The following AHDC1 variants were observed in gnomAD, a reference collection of about 807,000 sequenced individuals.
AHDC1 encodes transcription factor Gibbin.
Under a neutral mutation model 87.9 loss-of-function variants are expected in AHDC1, and 7 were observed. The ratio of observed to expected loss-of-function variants is 0.08; its 90% CI spans 0.05 to 0.15. The LOEUF is 0.15. Ranked by LOEUF, AHDC1 falls within the 10% of genes least tolerant of loss-of-function variation. AHDC1 has a pLI of 1.00. For missense variants in AHDC1, 1,841 were observed against 2,253.2 expected, an observed-to-expected ratio of 0.82 and a Z score of 3.70; for synonymous variants, 1,051 against 1,006.8, an observed-to-expected ratio of 1.04 and a Z score of -0.83.
rs2020206278 is a variant in AHDC1 at position 27,563,833 on chromosome 1, T to C, written c.-628-4950A>G. 1.3e-5 allele frequency among the ~76,000 whole-genome samples: 2 copies of C among 151,742 alleles called. No homozygotes were observed. Among genetic ancestry groups the C allele is most frequent in the Non-Finnish European group, 2.9e-5 (2 of 67,898 alleles). ...AAGCTGCCTGGACACACTGACTACC[T>C]GGAAATGCCACCTCCCCCAGCCCTC... On this transcript the variant is annotated intron_variant, in intron 3 of 8. Transcript: ENST00000673934. This position sits in a 1 kb window ranked among gnomAD's most constrained non-coding sequence, Gnocchi z 6.1.
At chr1:27,537,079 T>C (rs1192053397) in intron 8 of AHDC1, among the ~76,000 whole-genome samples, 1 of 152,090 alleles carries the variant, frequency 6.6e-6, no homozygotes, top group Non-Finnish European at 1.5e-5. Flanking sequence ...GCCAGAGACT[T>C]TGGCAGAATC....
At chr1:27,602,443 A>G (rs1321894003) in intron 3 of AHDC1, among the ~76,000 whole-genome samples, 1 of 151,966 alleles carries the variant, frequency 6.6e-6, no homozygotes, top group Non-Finnish European at 1.5e-5. Context: ...CCTCATCCCC[A>G]GCCCCCAAAC....
chr1:27,560,473 G>T lies in AHDC1; in HGVS notation c.-628-1590C>A, dbSNP rs546330566. Reference sequence around the variant, plus strand: ...GCTGTCCCTGCAGGTTTCCAATCTCGAGGCCTGTGACTGCAGGCACTGGTG... The same window carrying T: ...GCTGTCCCTGCAGGTTTCCAATCTCTAGGCCTGTGACTGCAGGCACTGGTG... On this transcript the variant is annotated intron_variant, in intron 3 of 8. Transcript: ENST00000673934. The surrounding 1 kb of genome is among the most constrained non-coding windows in gnomAD (Gnocchi z 4.1). Among the ~76,000 whole-genome samples, 1 of 152,118 alleles carries T rather than the reference G, an allele frequency of 6.6e-6. No individual in the cohort carries two copies. Among genetic ancestry groups the T allele is most frequent in the Non-Finnish European group, 1.5e-5 (1 of 68,024 alleles).
chr1:27,603,975 G>GCT (rs1273564627), intron 1 of AHDC1, 112 bp from the exon 2 acceptor site: 2 of 136,130 alleles, frequency 1.5e-5, no homozygotes, highest in Non-Finnish European at 3.1e-5. Context: ...CCTGCCTTCT[G>GCT]CTCTCTCCGC....
Position 27,573,117 on chromosome 1 carries a change from A to C in AHDC1, c.-628-14234T>G, listed in dbSNP as rs188119390. The stretch of plus-strand genomic sequence containing the variant: ...AAGGGTGTGTCTCAGGAAGGGAGGC[A>C]CTCCAGCCTTCTGGGGGTGGGGTGG... On this transcript the variant is annotated intron_variant, in intron 3 of 8. Coordinates refer to ENST00000673934, the MANE Select transcript of AHDC1 (RefSeq NM_001371928.1). Among the ~76,000 whole-genome samples the C allele has an allele frequency of 3.5e-3, 537 of 151,924 alleles. 2 individuals are homozygous for C. Among genetic ancestry groups the C allele is most frequent in the Non-Finnish European group, 6.0e-3 (406 of 67,954 alleles).
chr1:27,574,273 A>C (rs1444046508), intron 3 of AHDC1, among the ~76,000 whole-genome samples: 2 of 152,212 alleles, frequency 1.3e-5, no homozygotes, highest in Admixed American at 6.5e-5. Flanking sequence ...AGACCTTGGG[A>C]AGTGAAATCT....
intron 3 of AHDC1, among the ~76,000 whole-genome samples, chr1:27,564,945 G>A (rs556733211): frequency 1.3e-3 from 202 of 152,240 alleles, no homozygotes; most frequent in African/African-American, 3.7e-3. Context: ...CTAGCCTGAG[G>A]TCACACAGCA....
At chr1:27,604,078 C>A in intron 1 of AHDC1, 28 bp downstream of exon 1, 1 of 154,562 alleles carries the variant, frequency 6.5e-6, no homozygotes, top group South Asian at 1.8e-4. Flanking sequence ...CGCTCCCTCC[C>A]TCCGTCTCTC....
chr1:27,591,184 T>C (rs1484713705), intron 3 of AHDC1, among the ~76,000 whole-genome samples: 1 of 152,120 alleles, frequency 6.6e-6, no homozygotes, highest in African/African-American at 2.4e-5. Flanking sequence ...GGAGGGAGCA[T>C]GGCCCTAAGG....
Position 27,551,114 on chromosome 1 carries a change from G to C in AHDC1, c.1002C>G (p.Leu334=), listed in dbSNP as rs372093278. ...CGTCAAGCAGCTTGGGCAGGGGGTCGAGTGCCTGGGGGTCAAGCAGCTGCG... is the reference window on the plus strand; with the variant it reads ...CGTCAAGCAGCTTGGGCAGGGGGTCCAGTGCCTGGGGGTCAAGCAGCTGCG... The part of the protein sequence containing the change: ...LESQLLDPQA[L]DPLPKLLDVP... The change falls in exon 8 of 9, where the codon CTC becomes CTG. Residue 334 remains leucine (L), a synonymous_variant. Transcript: ENST00000673934. The C allele has an allele frequency of 1.3e-6, 2 of 1,584,350 alleles. No homozygotes were observed. Among genetic ancestry groups the C allele is most frequent in the Admixed American group, 3.6e-5 (2 of 55,340 alleles).
chr1:27,583,615 G>A (rs1460837587), intron 3 of AHDC1, among the ~76,000 whole-genome samples: 1 of 151,974 alleles, frequency 6.6e-6, no homozygotes, highest in Non-Finnish European at 1.5e-5. Flanking sequence ...TCCTCTGCTG[G>A]ATCAATGCCC....
chr1:27,537,009 C>T (rs1325835994), intron 8 of AHDC1, among the ~76,000 whole-genome samples: 1 of 152,182 alleles, frequency 6.6e-6, no homozygotes, highest in African/African-American at 2.4e-5. Flanking sequence ...TCTGCTAAGC[C>T]GCCCATCGCG....
chr1:27,547,534 G>A lies in AHDC1; in HGVS notation c.4582C>T (p.Pro1528Ser), dbSNP rs765211276. The A allele has an allele frequency of 1.9e-6, 3 of 1,611,114 alleles. No homozygotes were observed. Among genetic ancestry groups the A allele is most frequent in the East Asian group, 2.2e-5 (1 of 44,864 alleles). ...PLEMARPPGP[P>S]RGPAAAAAGY... ...GCAGCGGCTGCAGCAGGGCCACGGGGTGGGCCAGGGGGCCGGGCCATTTCC... is the reference window on the plus strand; with the variant it reads ...GCAGCGGCTGCAGCAGGGCCACGGGATGGGCCAGGGGGCCGGGCCATTTCC... The change falls in exon 8 of 9, where the codon CCC becomes TCC. Residue 1528 changes from proline (P) to serine (S), a missense_variant. By Grantham distance (74) the Pro-to-Ser change is moderately conservative. This residue lies in a region of AHDC1 where 505 missense variants were observed against 626.2 expected (regional missense o/e 0.81). Coordinates refer to ENST00000673934, the MANE Select transcript of AHDC1 (RefSeq NM_001371928.1). The surrounding 1 kb of genome is among the most constrained non-coding windows in gnomAD (Gnocchi z 4.9).
chr1:27,574,596 G>C (rs540044350), intron 3 of AHDC1, among the ~76,000 whole-genome samples: 2 of 152,170 alleles, frequency 1.3e-5, no homozygotes, highest in Admixed American at 6.5e-5. Context: ...TGTTTACCAT[G>C]GTGAGAGTAT....
intron 3 of AHDC1, among the ~76,000 whole-genome samples, chr1:27,582,299 A>G (rs2088930797): frequency 1.3e-5 from 2 of 152,186 alleles, no homozygotes; most frequent in South Asian, 4.1e-4. Context: ...TTCAAGCCAC[A>G]CTGTCCTTAT....
chr1:27,550,158 T>G lies in AHDC1; in HGVS notation c.1958A>C (p.Gln653Pro). The change falls in exon 8 of 9, where the codon CAG (glutamine) becomes CCG (proline). Residue 653 changes from glutamine to proline, a missense_variant. By Grantham distance (76) the Gln-to-Pro change is moderately conservative. Around this residue, in one of 13 missense-constraint regions of AHDC1, gnomAD observed 236 missense variants for 257.9 expected, o/e 0.92. Coordinates refer to ENST00000673934, the MANE Select transcript of AHDC1 (RefSeq NM_001371928.1). Reference protein sequence around the residue: ...PESVHQAPDTQSISHFLHRVQ... With the variant: ...PESVHQAPDTPSISHFLHRVQ... Reference sequence around the variant, plus strand: ...ACGATGCAGGAAGTGGGAGATGCTCTGGGTGTCGGGGGCCTGGTGCACCGA... The same window carrying G: ...ACGATGCAGGAAGTGGGAGATGCTCGGGGTGTCGGGGGCCTGGTGCACCGA... The G allele has an allele frequency of 6.2e-7, 1 of 1,611,290 alleles. No individual in the cohort carries two copies. Among genetic ancestry groups the G allele is most frequent in the Non-Finnish European group, 8.5e-7 (1 of 1,179,884 alleles).
At chr1:27,538,727 C>T (rs553921301) in intron 8 of AHDC1, among the ~76,000 whole-genome samples, 2 of 152,228 alleles carry the variant, frequency 1.3e-5, no homozygotes, top group Non-Finnish European at 2.9e-5. Context: ...GTTGCCCAGG[C>T]TAGACTCGAC....
rs1240850815 is a variant in AHDC1, at chr1:27,593,426, C to G, written c.-629+9971G>C. 1.3e-5 allele frequency among the ~76,000 whole-genome samples: 2 copies of G among 152,228 alleles called. No homozygotes were observed. Among genetic ancestry groups the G allele is most frequent in the Non-Finnish European group, 2.9e-5 (2 of 68,036 alleles). On this transcript the variant is annotated intron_variant, in intron 3 of 8. Transcript: ENST00000673934. This position sits in a 1 kb window ranked among gnomAD's most constrained non-coding sequence, Gnocchi z 4.9. Reference sequence around the variant, plus strand: ...GCCGCCACCACTACCCCCAGGCAGGCTGGGACCCAGGTCCCTGGTGTCCAT... The same window carrying G: ...GCCGCCACCACTACCCCCAGGCAGGGTGGGACCCAGGTCCCTGGTGTCCAT...
At position 27,547,146 on chromosome 1, in the gene AHDC1, G is replaced by A. The variant is rs2019204040; in HGVS notation, c.*43+115C>T. 1 of 698,926 alleles carries A rather than the reference G, an allele frequency of 1.4e-6. No homozygotes were observed. The highest frequency in any genetic ancestry group is 3.0e-5 in the Admixed American group (1 of 32,888). 43.3% of individuals were successfully genotyped at this position (698,926 alleles called of 1,614,324 possible). A position where few individuals can be genotyped will look rare whatever the true frequency, so the allele number is the denominator to read the frequency against. On this transcript the variant is annotated intron_variant, in intron 8 of 8. Transcript: ENST00000673934. The surrounding 1 kb of genome is among the most constrained non-coding windows in gnomAD (Gnocchi z 4.9). Reference sequence around the variant, plus strand: ...CACCCTGCTCTCAGTCCCCAGCCTTGCCCTTAAATCCTGCATTTGCTTCCT... The same window carrying A: ...CACCCTGCTCTCAGTCCCCAGCCTTACCCTTAAATCCTGCATTTGCTTCCT...
Sources: allele counts gnomAD v4.1 joint callset (sites outside exome capture counted in the v4.1 genomes callset), GRCh38; gene constraint gnomAD v4.1.1; regional missense constraint gnomAD v4.1.1; non-coding constraint Gnocchi (gnomAD v3.1); transcripts MANE v1.5; gene names NCBI Gene and HGNC (gene_info 2026-07-23, HGNC 2026-07-21).